Variants in ANKRD16 observed in about 807,000 individuals in gnomAD.
The protein encoded by ANKRD16 is ankyrin repeat domain-containing protein 16.
Under a neutral mutation model 37.9 loss-of-function variants are expected in ANKRD16, and 35 were observed. That is an observed-to-expected ratio of 0.92 (90% CI 0.71 to 1.23). ANKRD16 has a LOEUF of 1.23. Ranked by LOEUF, ANKRD16 falls within the 50% of genes most tolerant of loss-of-function variation. ANKRD16 has a pLI of 0.00. For synonymous variants in ANKRD16, 206 were observed against 197.2 expected, an observed-to-expected ratio of 1.04 and a Z score of -0.37; for missense variants, 480 against 469.9, an observed-to-expected ratio of 1.02 and a Z score of -0.20.
rs1842081170 is a variant in ANKRD16, at chr10:5,871,025, A to G, written c.*33+7072T>C. 1.3e-5 allele frequency among the ~76,000 whole-genome samples: 2 copies of G among 152,208 alleles called. No individual in the cohort carries two copies. Among genetic ancestry groups the G allele is most frequent in the Admixed American group, 6.5e-5 (1 of 15,282 alleles). On this transcript the variant is annotated intron_variant, in intron 7 of 7. Coordinates refer to ENST00000380094, the MANE Select transcript of ANKRD16 (RefSeq NM_019046.3). This position sits in a 1 kb window ranked among gnomAD's most constrained non-coding sequence, Gnocchi z 4.5. Reference sequence around the variant, plus strand: ...GTGGGTTAATCACACAGGCCAATCAAGTCCCTGTCGTCACCACGATTGGCA... The same window carrying G: ...GTGGGTTAATCACACAGGCCAATCAGGTCCCTGTCGTCACCACGATTGGCA...
chr10:5,885,034 C>G (rs1288769669), intron 3 of ANKRD16, among the ~76,000 whole-genome samples: 1 of 152,186 alleles, frequency 6.6e-6, no homozygotes, highest in African/African-American at 2.4e-5. Context: ...TGTAGGGATC[C>G]TGCAAGTCCT....
rs1842025315 is a variant in ANKRD16 at position 5,867,010 on chromosome 10, T to C, written c.*34-4319A>G. On this transcript the variant is annotated intron_variant, in intron 7 of 7. Transcript: ENST00000380094. ...GAAGTCAAAGAGAAAGAAAGAGAGATGGAAATAGTAAAGAAAAAACAGTGT... is the reference window on the plus strand; with the variant it reads ...GAAGTCAAAGAGAAAGAAAGAGAGACGGAAATAGTAAAGAAAAAACAGTGT... 2.0e-5 allele frequency among the ~76,000 whole-genome samples: 3 copies of C among 151,818 alleles called. No homozygotes were observed. The South Asian group carries it at 6.2e-4, about 32-fold the overall frequency.
intron 7 of ANKRD16, among the ~76,000 whole-genome samples, chr10:5,872,085 C>G (rs1842098648): frequency 6.6e-6 from 1 of 152,132 alleles, no homozygotes; most frequent in Admixed American, 6.6e-5. Flanking sequence ...AAAGAGGCAA[C>G]ACACAAGACT....
rs755097579 is a variant in ANKRD16, at chr10:5,889,212, C to T, written c.143G>A (p.Gly48Glu). Residue 48 changes from glycine to glutamate, a missense_variant, in exon 1 of 8, where the codon GGG becomes GAG. By Grantham distance (98) the Gly-to-Glu change is moderately conservative. Transcript: ENST00000380094. ...CAGATAGGCCAGCACGTCCCGATGC[C>T]CGTGGCGCGCGGCGCAGTGCAGGAG... Reference protein sequence around the residue: ...DTLLHCAARHGHRDVLAYLAE... With the variant: ...DTLLHCAARHEHRDVLAYLAE... 4 of 1,594,674 alleles carry T rather than the reference C, an allele frequency of 2.5e-6. No individual in the cohort carries two copies. In the East Asian group the frequency reaches 9.0e-5, roughly 36 times the overall value.
At position 5,883,011 on chromosome 10, in the gene ANKRD16, C is replaced by A. The variant is rs1475791083; in HGVS notation, c.844G>T (p.Ala282Ser). ...STHLTALHYA[A>S]KEGHTSTIQT... Reference sequence around the variant, plus strand: ...CGTTATAAGAAGTAACAAACCTTAGCTGCATAATGAAGTGCTGTGAGGTGG... The same window carrying A: ...CGTTATAAGAAGTAACAAACCTTAGATGCATAATGAAGTGCTGTGAGGTGG... Residue 282 changes from alanine to serine, a missense_variant, in exon 5 of 8, where the codon GCT becomes TCT. By Grantham distance (99) the Ala-to-Ser change is moderately conservative. Coordinates refer to ENST00000380094, the MANE Select transcript of ANKRD16 (RefSeq NM_019046.3). 6.2e-7 allele frequency: 1 copy of A among 1,613,184 alleles called. No homozygotes were observed. Among genetic ancestry groups the A allele is most frequent in the African/African-American group, 1.3e-5 (1 of 74,928 alleles).
In ANKRD16 at chr10:5,868,103, T is replaced by G. The variant is rs1443837239; in HGVS notation, c.*34-5412A>C. 6.6e-6 allele frequency among the ~76,000 whole-genome samples: 1 copy of G among 152,228 alleles called. No individual in the cohort carries two copies. The highest frequency in any genetic ancestry group is 1.5e-5 in the Non-Finnish European group (1 of 68,046). ...TCTCCCCTTTCTAGGTCCCGTGACATCCATCTTGCTATTACTCACCTTTGG... is the reference window on the plus strand; with the variant it reads ...TCTCCCCTTTCTAGGTCCCGTGACAGCCATCTTGCTATTACTCACCTTTGG... On this transcript the variant is annotated intron_variant, in intron 7 of 7. Transcript: ENST00000380094. This position sits in a 1 kb window ranked among gnomAD's most constrained non-coding sequence, Gnocchi z 4.9.
At chr10:5,885,375 G>A (rs1426713979) in intron 3 of ANKRD16, among the ~76,000 whole-genome samples, 1 of 151,980 alleles carries the variant, frequency 6.6e-6, no homozygotes, top group African/African-American at 2.4e-5. Context: ...GTAGAGACAG[G>A]GTTTCGCTGT....
chr10:5,886,001 C>T (rs1179215216), intron 2 of ANKRD16, among the ~76,000 whole-genome samples: 2 of 152,216 alleles, frequency 1.3e-5, no homozygotes, highest in African/African-American at 4.8e-5. Context: ...CTTATCTTCA[C>T]GTGCACTTTC....
Position 5,887,876 on chromosome 10 carries a change from T to C in ANKRD16, c.506A>G (p.Lys169Arg). 1 of 1,613,992 alleles carries C rather than the reference T, an allele frequency of 6.2e-7. No homozygotes were observed. Among genetic ancestry groups the C allele is most frequent in the African/African-American group, 1.3e-5 (1 of 75,056 alleles). The change falls in exon 2 of 8, where the codon AAA becomes AGA. Residue 169 changes from lysine (K) to arginine (R), a missense_variant. Coordinates refer to ENST00000380094, the MANE Select transcript of ANKRD16 (RefSeq NM_019046.3). ...VCPGAWKTES[K>R]IRRTPLHTAA... ...AGTATGCAGAGGAGTCCTTCTAATT[T>C]TGCTCTCTGTCTTCCAGGCACCTGG...
intron 1 of ANKRD16, among the ~76,000 whole-genome samples, chr10:5,888,391 T>C (rs1411181500): frequency 6.6e-6 from 1 of 152,192 alleles, no homozygotes; most frequent in African/African-American, 2.4e-5. Context: ...CCTCAACACA[T>C]AACGAAGTCT....
At position 5,874,111 on chromosome 10, in the gene ANKRD16, G is replaced by A. The variant is rs756276451; in HGVS notation, c.*33+3986C>T. 2.0e-5 allele frequency among the ~76,000 whole-genome samples: 3 copies of A among 152,114 alleles called. No individual in the cohort carries two copies. The highest frequency in any genetic ancestry group is 4.1e-4 in the South Asian group (2 of 4,824). ...TCACCATGTTGGCCAGGATGGTCTC[G>A]ATCTCCTGACCTTGTGATCTGCCTG... On this transcript the variant is annotated intron_variant, in intron 7 of 7. Transcript: ENST00000380094. The surrounding 1 kb of genome is among the most constrained non-coding windows in gnomAD (Gnocchi z 4.7).
In ANKRD16 at chr10:5,870,772, AC is replaced by A. The variant is rs1452189778; in HGVS notation, c.*33+7324del. On this transcript the variant is annotated intron_variant, in intron 7 of 7. Transcript: ENST00000380094. The surrounding 1 kb of genome is among the most constrained non-coding windows in gnomAD (Gnocchi z 5.0). ...TGGGCCTTCCAGAGTAGGAAGAGTA[AC>A]AAGAGACCTGGTTCACCTGTGGTGA... 6.6e-6 allele frequency among the ~76,000 whole-genome samples: 1 copy of A among 152,130 alleles called. No homozygotes were observed. The highest frequency in any genetic ancestry group is 1.5e-5 in the Non-Finnish European group (1 of 68,024).
chr10:5,886,561 AGC>A (rs1195112946), intron 2 of ANKRD16, among the ~76,000 whole-genome samples: 2 of 151,582 alleles, frequency 1.3e-5, no homozygotes, highest in African/African-American at 4.9e-5. Context: ...ACTGTATTCC[AGC>A]CTGGGTGACA....
intron 7 of ANKRD16, among the ~76,000 whole-genome samples, chr10:5,876,735 G>A (rs1468043912): frequency 3.9e-5 from 6 of 152,138 alleles, no homozygotes; most frequent in Non-Finnish European, 5.9e-5. Context: ...GAGTAAGGTG[G>A]GTGTGTAATA....
In ANKRD16 at chr10:5,874,585, A is replaced by C. The variant is rs942612474; in HGVS notation, c.*33+3512T>G. 2.0e-5 allele frequency among the ~76,000 whole-genome samples: 3 copies of C among 152,194 alleles called. No homozygotes were observed. The highest frequency in any genetic ancestry group is 2.9e-5 in the Non-Finnish European group (2 of 68,032). ...GAGGGAGGAGTCATGACTGACCCCC[A>C]GCTTTCCAACACAGGTTGGGTGAGC... is the stretch of plus-strand genomic sequence containing the variant. On this transcript the variant is annotated intron_variant, in intron 7 of 7. Coordinates refer to ENST00000380094, the MANE Select transcript of ANKRD16 (RefSeq NM_019046.3). This position sits in a 1 kb window ranked among gnomAD's most constrained non-coding sequence, Gnocchi z 4.7.
At position 5,861,864 on chromosome 10, in the gene ANKRD16, G is replaced by A. The variant is rs1339061166; in HGVS notation, c.*861C>T. ...GTATCATCTGTGATACTATCAACATGGCAGCTCACAGACTGGGCAGGCCCC... is the reference window on the plus strand; with the variant it reads ...GTATCATCTGTGATACTATCAACATAGCAGCTCACAGACTGGGCAGGCCCC... On this transcript the variant is annotated 3_prime_UTR_variant, in exon 8 of 8. Transcript: ENST00000380094. The A allele has an allele frequency of 1.3e-5, 2 of 151,140 alleles. No homozygotes were observed. The highest frequency in any genetic ancestry group is 2.9e-5 in the Non-Finnish European group (2 of 68,032). The allele number at this position is 151,140 out of a possible 1,614,324, so 9.4% of individuals were successfully genotyped here.
intron 7 of ANKRD16, among the ~76,000 whole-genome samples, chr10:5,867,023 G>GA (rs1055968331): frequency 6.6e-6 from 1 of 152,024 alleles, no homozygotes. Flanking sequence ...AAATAGTAAA[G>GA]AAAAAACAGT....
chr10:5,885,440 G>C (rs672624), intron 3 of ANKRD16, among the ~76,000 whole-genome samples: 88,744 of 151,896 alleles, frequency 0.58, 26,522 homozygotes, highest in East Asian at 0.83. Context: ...CCTCGGCCTC[G>C]CAAAGTGCTG....
Position 5,883,886 on chromosome 10 carries a change from T to C in ANKRD16, c.687+83A>G, listed in dbSNP as rs141619857. ...GGGCTGGGGAATGGAACCTGGGATC[T>C]GAGTAACAATGTGCTCTGCTTAACC... is the stretch of plus-strand genomic sequence containing the variant. On this transcript the variant is annotated intron_variant, in intron 4 of 7. Transcript: ENST00000380094. The C allele has an allele frequency of 8.7e-4, 1,066 of 1,221,682 alleles. 6 individuals carry two copies. The African/African-American group carries it at 0.013, about 15-fold the overall frequency. 75.7% of individuals were successfully genotyped at this position (1,221,682 alleles called of 1,614,324 possible). A position where few individuals can be genotyped will look rare whatever the true frequency, so the allele number is the denominator to read the frequency against.
Sources: allele counts gnomAD v4.1 joint callset (sites outside exome capture counted in the v4.1 genomes callset), GRCh38; gene constraint gnomAD v4.1.1; non-coding constraint Gnocchi (gnomAD v3.1); transcripts MANE v1.5; gene names NCBI Gene and HGNC (gene_info 2026-07-23, HGNC 2026-07-21).